Variants in UBR2 observed in about 807,000 individuals in gnomAD.
The protein encoded by UBR2 is E3 ubiquitin-protein ligase UBR2.
A neutral mutation model predicts 247.9 loss-of-function variants in UBR2; 92 were observed. The ratio of observed to expected loss-of-function variants is 0.37; its 90% confidence interval spans 0.31 to 0.44. UBR2 has a LOEUF of 0.44. Among genes scored for constraint, UBR2 ranks in the 20% least tolerant of loss-of-function variants. The pLI is 1.00. For synonymous variants in UBR2, 672 were observed against 693.5 expected (o/e 0.97, Z 0.49); for missense variants, 1,613 against 2,112.6 (o/e 0.76, Z 4.64).
chr6:42,676,715 A>G, intron 39 of UBR2, 68 bp from the exon 40 acceptor site: 7 of 1,207,438 alleles, frequency 5.8e-6, no homozygotes, highest in Non-Finnish European at 8.6e-6. Context: ...TGCATGCTTA[A>G]TGTCTTCAGT....
chr6:42,677,041 CAT>C (rs1798758622), intron 40 of UBR2, among the ~76,000 whole-genome samples, 168 bp downstream of exon 40: 1 of 152,164 alleles, frequency 6.6e-6, no homozygotes, highest in Non-Finnish European at 1.5e-5. Flanking sequence ...CATATACTAA[CAT>C]AATTGGAAAT....
chr6:42,585,949 A>T (rs1792229041), intron 2 of UBR2, among the ~76,000 whole-genome samples: 1 of 152,118 alleles, frequency 6.6e-6, no homozygotes, highest in African/African-American at 2.4e-5. Flanking sequence ...TTTGACCCAC[A>T]GGTTATTTAG....
Position 42,644,539 on chromosome 6 carries a change from A to G in UBR2, c.2284+3A>G. 3 of 1,606,752 alleles carry G rather than the reference A, an allele frequency of 1.9e-6. No individual in the cohort carries two copies. Among genetic ancestry groups the G allele is most frequent in the Non-Finnish European group, 1.7e-6 (2 of 1,177,056 alleles). On this transcript the variant is annotated splice_donor_region_variant and intron_variant, in intron 20 of 46. Transcript: ENST00000372901. ...ATACCTCATTATAATGCTTGTTGGT[A>G]AGTTTAAATTGTTTGAGGCATTTAA... is the stretch of plus-strand genomic sequence containing the variant.
At chr6:42,609,028 A>G (rs575642291) in intron 7 of UBR2, among the ~76,000 whole-genome samples, 2 of 152,354 alleles carry the variant, frequency 1.3e-5, no homozygotes, top group Non-Finnish European at 2.9e-5. Context: ...AAAATAGAAA[A>G]TGGACAAAGG....
At chr6:42,672,661 C>T (rs1452467566) in intron 36 of UBR2, among the ~76,000 whole-genome samples, 1 of 152,130 alleles carries the variant, frequency 6.6e-6, no homozygotes, top group Admixed American at 6.6e-5. Flanking sequence ...TTGCACATTC[C>T]ATTTCCTCTG....
chr6:42,645,421 T>G (rs972687260), intron 20 of UBR2, 45 bp from the exon 21 acceptor site: 1 of 1,566,066 alleles, frequency 6.4e-7, no homozygotes, highest in Admixed American at 1.8e-5. Context: ...GAAAGTATTG[T>G]GATTATGTTA....
chr6:42,648,219 A>C, intron 22 of UBR2, 49 bp downstream of exon 22: 4 of 1,491,368 alleles, frequency 2.7e-6, no homozygotes, highest in Non-Finnish European at 3.7e-6. Flanking sequence ...TTTCCAGTAC[A>C]TTCATTTTTC....
intron 25 of UBR2, 61 bp from the exon 26 acceptor site, chr6:42,655,560 T>G: frequency 5.5e-6 from 5 of 916,146 alleles, no homozygotes; most frequent in Non-Finnish European, 6.5e-6. Context: ...TCCTATTTCT[T>G]ATTAAAATAT....
chr6:42,616,098 G>C lies in UBR2; in HGVS notation c.1182+8G>C, dbSNP rs1794528322. 1 of 1,596,634 alleles carries C rather than the reference G, an allele frequency of 6.3e-7. No individual in the cohort carries two copies. Among genetic ancestry groups the C allele is most frequent in the Non-Finnish European group, 8.5e-7 (1 of 1,174,456 alleles). On this transcript the variant is annotated splice_region_variant and intron_variant, in intron 10 of 46. Coordinates refer to ENST00000372901, the MANE Select transcript of UBR2 (RefSeq NM_001363705.2). ...GCTGTTCGATTTGCAAAAGTAAGTG[G>C]CTTTTCAATTTTGAAAATAGGTTAT... is the stretch of plus-strand genomic sequence containing the variant.
chr6:42,607,985 G>T (rs9369373), intron 7 of UBR2, among the ~76,000 whole-genome samples: 114,051 of 151,528 alleles, frequency 0.75, 43,297 homozygotes, highest in African/African-American at 0.85. Flanking sequence ...GTTCATTCAT[G>T]TTTTAAACAT....
Position 42,659,863 on chromosome 6 carries a change from A to G in UBR2, c.3442+8A>G, listed in dbSNP as rs758783529. On this transcript the variant is annotated splice_region_variant and intron_variant, in intron 30 of 46. Transcript: ENST00000372901. This position sits in a 1 kb window ranked among gnomAD's most constrained non-coding sequence, Gnocchi z 4.3. ...AATTTATTCAAGATCCAGGTAAGTC[A>G]TAGCTAGATCCTCATCTTCCCTTTT... 6.2e-7 allele frequency: 1 copy of G among 1,612,516 alleles called. No individual in the cohort carries two copies. Among genetic ancestry groups the G allele is most frequent in the African/African-American group, 1.3e-5 (1 of 75,032 alleles).
At chr6:42,565,267 C>T (rs1436616046) in intron 1 of UBR2, among the ~76,000 whole-genome samples, 1 of 152,122 alleles carries the variant, frequency 6.6e-6, no homozygotes, top group Admixed American at 6.5e-5. Context: ...GAAGAGATTG[C>T]CGAGAATGAT....
intron 1 of UBR2, among the ~76,000 whole-genome samples, chr6:42,566,288 G>GT (rs1790773313): frequency 1.3e-5 from 2 of 152,120 alleles, no homozygotes; most frequent in African/African-American, 4.8e-5. Context: ...AGCAGATGCA[G>GT]TAAGGAAAAA....
At chr6:42,637,235 T>C in intron 15 of UBR2, 41 bp downstream of exon 15, 2 of 1,578,560 alleles carry the variant, frequency 1.3e-6, no homozygotes, top group African/African-American at 1.3e-5. Flanking sequence ...AAATTATCTT[T>C]TAAATTGTTG....
chr6:42,578,104 T>C (rs889593777), intron 2 of UBR2, among the ~76,000 whole-genome samples: 1 of 152,182 alleles, frequency 6.6e-6, no homozygotes, highest in Non-Finnish European at 1.5e-5. Context: ...ACAGTTGAGA[T>C]TATGCTAAAA....
In UBR2 at chr6:42,641,699, G is replaced by A. The variant is rs779465725; in HGVS notation, c.2031+7G>A. On this transcript the variant is annotated splice_region_variant and intron_variant, in intron 17 of 46. Transcript: ENST00000372901. Reference sequence around the variant, plus strand: ...GTTCTCTCTAGTAAACCAGGTAAGTGTTTTCTAATTCTATGAAGAGTTTTC... The same window carrying A: ...GTTCTCTCTAGTAAACCAGGTAAGTATTTTCTAATTCTATGAAGAGTTTTC... The A allele has an allele frequency of 2.5e-6, 4 of 1,601,734 alleles. No individual in the cohort carries two copies. The highest frequency in any genetic ancestry group is 3.4e-5 in the Admixed American group (2 of 58,982).
intron 4 of UBR2, among the ~76,000 whole-genome samples, chr6:42,600,625 CAAAAAAAAA>C (rs71680032): frequency 3.8e-5 from 4 of 106,166 alleles, no homozygotes; most frequent in Admixed American, 2.1e-4. Flanking sequence ...GTTACTGTAG[CAAAAAAAAA>C]AAAAAAAAAA....
intron 2 of UBR2, among the ~76,000 whole-genome samples, chr6:42,583,595 C>G (rs796400624): frequency 2.6e-5 from 4 of 151,824 alleles, no homozygotes; most frequent in African/African-American, 9.7e-5. Context: ...GATCTCAGCT[C>G]ACTGCAACCT....
intron 40 of UBR2, 35 bp from the exon 41 acceptor site, chr6:42,678,503 AG>A: frequency 1.3e-6 from 2 of 1,594,010 alleles, no homozygotes; most frequent in Non-Finnish European, 1.7e-6. Context: ...ACCTTTTCTT[AG>A]TAGATTTCCC....
Sources: gnomAD v4.1 joint callset for allele counts (sites outside exome capture counted in the v4.1 genomes callset) on GRCh38, gnomAD v4.1.1 for gene constraint, Gnocchi (gnomAD v3.1) non-coding constraint, MANE v1.5 for transcripts, NCBI Gene and HGNC (gene_info 2026-07-23, HGNC 2026-07-21) for gene names.